Variants in EMSY observed in about 807,000 individuals in gnomAD.
The protein encoded by EMSY is EMSY transcriptional repressor, BRCA2 interacting.
A neutral mutation model predicts 134.6 loss-of-function variants in EMSY; 26 were observed. That is an observed-to-expected ratio of 0.19 (90% CI 0.14 to 0.27). EMSY has a LOEUF of 0.27. Ranked by LOEUF, EMSY falls within the 10% of genes least tolerant of loss-of-function variation. The probability of loss-of-function intolerance (pLI) is 1.00; values close to 1 mark genes in which losing one functional copy is unlikely to be tolerated. For missense variants in EMSY, 1,305 were observed against 1,611.4 expected (o/e 0.81, Z 3.26); for synonymous variants, 579 against 577.8 (o/e 1.00, Z -0.03).
At chr11:76,502,008 T>G (rs1949878286) in intron 9 of EMSY, among the ~76,000 whole-genome samples, 1 of 125,972 alleles carries the variant, frequency 7.9e-6, no homozygotes, top group South Asian at 2.4e-4. Flanking sequence ...GTGGAAACAA[T>G]GAAGCCAGCA....
At chr11:76,549,883 G>A in intron 20 of EMSY, 69 bp from the exon 22 acceptor site, 1 of 1,030,100 alleles carries the variant, frequency 9.7e-7, no homozygotes, top group Admixed American at 2.7e-5. Flanking sequence ...TTTTTTTCTT[G>A]ATATTGTTGG....
Position 76,538,516 on chromosome 11 carries a change from C to T in EMSY, c.2515+566C>T, listed in dbSNP as rs1006979636. ...GCTCAAGAGATCCGTCCACCTTGGCCTCCCAAAGTGCTGGAATTACAGGCA... is the reference window on the plus strand; with the variant it reads ...GCTCAAGAGATCCGTCCACCTTGGCTTCCCAAAGTGCTGGAATTACAGGCA... On this transcript the variant is annotated intron_variant, in intron 16 of 20. Coordinates refer to ENST00000334736, the Ensembl canonical transcript of EMSY. Among the ~76,000 whole-genome samples, 6 of 152,252 alleles carry T rather than the reference C, an allele frequency of 3.9e-5. No individual in the cohort carries two copies. The East Asian group carries it at 5.8e-4, about 15-fold the overall frequency.
chr11:76,493,046 C>G (rs1042578941), intron 8 of EMSY, among the ~76,000 whole-genome samples: 2 of 152,072 alleles, frequency 1.3e-5, no homozygotes, highest in African/African-American at 4.8e-5. Flanking sequence ...TCCGTGTGCT[C>G]TCAGGGGCCA....
exon 2 of EMSY, chr11:76,446,918 G>A (rs768985956): frequency 3.1e-6 from 5 of 1,609,302 alleles, no homozygotes; most frequent in Non-Finnish European, 3.4e-6. Flanking sequence ...AGCTCTTTGG[G>A]GCTACCAAAC....
chr11:76,535,869 G>T (rs1231477363), intron 14 of EMSY, 26 bp from the exon 16 acceptor site: 26 of 1,333,528 alleles, frequency 1.9e-5, no homozygotes, highest in South Asian at 7.1e-5. Context: ...TATAGGGTTT[G>T]TTTTTTTTTA....
At chr11:76,464,443 G>C (rs1590806998) in intron 7 of EMSY, among the ~76,000 whole-genome samples, 1 of 152,202 alleles carries the variant, frequency 6.6e-6, no homozygotes, top group South Asian at 2.1e-4. Flanking sequence ...TGCCAAAGTA[G>C]TAAAGTTGTC....
exon 6 of EMSY, chr11:76,459,951 A>T (rs760898724): frequency 6.2e-7 from 1 of 1,614,158 alleles, no homozygotes; most frequent in South Asian, 1.1e-5. Context: ...TGCTATTCCT[A>T]CACAAGTACC....
chr11:76,518,633 T>A (rs1251737318), intron 11 of EMSY, among the ~76,000 whole-genome samples: 1 of 150,266 alleles, frequency 6.7e-6, no homozygotes, highest in African/African-American at 2.4e-5. Flanking sequence ...TTTAGGTATA[T>A]TTCTTTTTAT....
intron 8 of EMSY, among the ~76,000 whole-genome samples, chr11:76,490,183 A>ATT (rs375154102): frequency 1.4e-5 from 2 of 146,260 alleles, no homozygotes; most frequent in African/African-American, 5.0e-5. Flanking sequence ...ATTTTTATTG[A>ATT]TTTTTTTTTT....
At chr11:76,543,823 A>G (rs1213516561) in intron 18 of EMSY, among the ~76,000 whole-genome samples, 1 of 152,016 alleles carries the variant, frequency 6.6e-6, no homozygotes, top group African/African-American at 2.4e-5. Flanking sequence ...GACCTTCCAG[A>G]TAGCACTGGA....
chr11:76,494,870 G>A (rs1380671032), intron 8 of EMSY, among the ~76,000 whole-genome samples: 1 of 152,040 alleles, frequency 6.6e-6, no homozygotes, highest in Non-Finnish European at 1.5e-5. Context: ...CGAGTAGCTG[G>A]GATTACAGGT....
intron 14 of EMSY, among the ~76,000 whole-genome samples, chr11:76,532,046 G>T (rs1369873637): frequency 6.6e-6 from 1 of 152,252 alleles, no homozygotes; most frequent in East Asian, 1.9e-4. Context: ...ATTCTTCTAT[G>T]TTAGGCTTCC....
intron 8 of EMSY, among the ~76,000 whole-genome samples, chr11:76,481,133 T>G (rs891483179): frequency 1.3e-5 from 2 of 152,168 alleles, no homozygotes; most frequent in African/African-American, 4.8e-5. Flanking sequence ...AAGCTCTGCC[T>G]CCCGGGTTCA....
At chr11:76,535,195 T>G (rs1220342067) in intron 14 of EMSY, among the ~76,000 whole-genome samples, 1 of 152,150 alleles carries the variant, frequency 6.6e-6, no homozygotes, top group African/African-American at 2.4e-5. Context: ...GGAAGAGAGA[T>G]AATTTTATTC....
intron 10 of EMSY, 121 bp downstream of exon 11, chr11:76,513,656 C>A: frequency 9.3e-7 from 1 of 1,070,028 alleles, no homozygotes; most frequent in Non-Finnish European, 1.3e-6. Context: ...TTCAAAGAGG[C>A]CTTTCTTGAT....
rs1348598208 is a variant in EMSY, at chr11:76,542,787, C to T, written c.2709+420C>T. ...TTTTTTTGCTTTTATAATGAATCCT[C>T]ATAGTAACATTATGACTAAGGAGGA... On this transcript the variant is annotated intron_variant, in intron 18 of 20. Transcript: ENST00000334736. Among the ~76,000 whole-genome samples, 4 of 141,778 alleles carry T rather than the reference C, an allele frequency of 2.8e-5. No homozygotes were observed. In the South Asian group the frequency reaches 6.7e-4, roughly 24 times the overall value. 93.0% of individuals were successfully genotyped at this position (141,778 alleles called of 152,430 possible).
intron 2 of EMSY, among the ~76,000 whole-genome samples, chr11:76,449,932 A>G (rs1220302588): frequency 6.6e-6 from 1 of 151,904 alleles, no homozygotes; most frequent in Non-Finnish European, 1.5e-5. Context: ...GGGACTATCC[A>G]AGTACAGACA....
At chr11:76,527,619 T>A (rs2136354487) in intron 13 of EMSY, among the ~76,000 whole-genome samples, 1 of 152,274 alleles carries the variant, frequency 6.6e-6, no homozygotes, top group South Asian at 2.1e-4. Context: ...TTTCACTGTT[T>A]GTTTTTAACT....
chr11:76,488,094 A>G (rs1422723031), intron 8 of EMSY, among the ~76,000 whole-genome samples: 2 of 152,256 alleles, frequency 1.3e-5, no homozygotes, highest in African/African-American at 4.8e-5. Flanking sequence ...CCTGAACTAC[A>G]GTTCTTCCAA....
Sources: gnomAD v4.1 joint callset for allele counts (sites outside exome capture counted in the v4.1 genomes callset) on GRCh38, gnomAD v4.1.1 for gene constraint, MANE v1.5 for transcripts, NCBI Gene and HGNC (gene_info 2026-07-23, HGNC 2026-07-21) for gene names.